The following SANBR variants were observed in gnomAD, a reference collection of about 807,000 sequenced individuals.
The protein encoded by SANBR is SANT and BTB domain regulator of class switch recombination.
Under a neutral mutation model 101.8 loss-of-function variants are expected in SANBR, and 77 were observed. The ratio of observed to expected loss-of-function variants is 0.76; its 90% CI spans 0.63 to 0.91. SANBR has a LOEUF of 0.91. Among genes scored for constraint, SANBR ranks in the 40% least tolerant of loss-of-function variants. The pLI, the probability that SANBR is intolerant of heterozygous loss-of-function variation, is 0.00. For missense variants in SANBR, 875 were observed against 853.0 expected (o/e 1.03, Z -0.32); for synonymous variants, 279 against 274.7 (o/e 1.02, Z -0.15).
At chr2:61,081,630 A>T in intron 7 of SANBR, 120 bp downstream of exon 7, 2 of 1,087,874 alleles carry the variant, frequency 1.8e-6, no homozygotes, top group Non-Finnish European at 2.5e-6. Flanking sequence ...AAACAATTTA[A>T]AAAATTGTTA....
chr2:61,106,426 T>C, intron 13 of SANBR, 137 bp from the exon 14 acceptor site: 4 of 543,056 alleles, frequency 7.4e-6, no homozygotes, highest in Non-Finnish European at 1.3e-5. Flanking sequence ...GAAATGTCAT[T>C]GTTGACGTGA....
chr2:61,118,566 G>GTTT (rs1175530888), intron 20 of SANBR, among the ~76,000 whole-genome samples: 24 of 99,496 alleles, frequency 2.4e-4, no homozygotes, highest in African/African-American at 5.9e-4. Flanking sequence ...TTTTTTGTTG[G>GTTT]TTTTTTTTTT....
At position 61,088,450 on chromosome 2, in the gene SANBR, T is replaced by C. The variant is rs763215237; in HGVS notation, c.1070T>C (p.Ile357Thr). Residue 357 changes from isoleucine to threonine, a missense_variant, in exon 10 of 22, where the codon ATT becomes ACT. Physicochemically the swap from Ile to Thr is moderately conservative, Grantham distance 89. Coordinates refer to ENST00000402291, the MANE Select transcript of SANBR (RefSeq NM_001129993.3). ...GKINVDRRGN[I>T]VYIHIRDKTW... ...ATCAATGTGGATCGACGTGGAAATA[T>C]TGTCTATATTCACATAAGGTGTCGT... 4 of 1,604,622 alleles carry C rather than the reference T, an allele frequency of 2.5e-6. No individual in the cohort carries two copies. In the South Asian group the frequency reaches 4.5e-5, roughly 18 times the overall value.
At chr2:61,076,805 T>G (rs1235246308) in intron 5 of SANBR, 115 bp from the exon 6 acceptor site, 1 of 700,926 alleles carries the variant, frequency 1.4e-6, no homozygotes, top group East Asian at 2.7e-5. Flanking sequence ...TAAAACTGAT[T>G]TGTGTTCAGA....
chr2:61,088,738 C>G (rs1273584766), intron 10 of SANBR: 6 of 349,284 alleles, frequency 1.7e-5, no homozygotes, highest in Non-Finnish European at 2.5e-5. Flanking sequence ...CCAGGCTGGT[C>G]TCGAACTCCT....
In SANBR at chr2:61,076,002, T is replaced by A. The variant is rs191185929; in HGVS notation, c.432-918T>A. Among the ~76,000 whole-genome samples the A allele has an allele frequency of 5.3e-5, 8 of 151,852 alleles. No homozygotes were observed. The East Asian group carries it at 1.6e-3, about 30-fold the overall frequency. On this transcript the variant is annotated intron_variant, in intron 5 of 21. Coordinates refer to ENST00000402291, the MANE Select transcript of SANBR (RefSeq NM_001129993.3). The stretch of plus-strand genomic sequence containing the variant: ...TATAAACTTTATTTATTTATTTATT[T>A]ATTTATTTAGAGACGGAGTCTTGCT...
intron 6 of SANBR, among the ~76,000 whole-genome samples, chr2:61,079,177 C>T (rs189085919): frequency 6.6e-6 from 1 of 151,956 alleles, no homozygotes; most frequent in East Asian, 1.9e-4. Flanking sequence ...CTGGCAGATA[C>T]AACCCACATA....
chr2:61,132,900 T>G (rs1354150701), intron 20 of SANBR, among the ~76,000 whole-genome samples: 1 of 152,244 alleles, frequency 6.6e-6, no homozygotes, highest in Non-Finnish European at 1.5e-5. Flanking sequence ...TGCATGACTC[T>G]ATTTATATAA....
chr2:61,068,194 T>C (rs886653686), intron 1 of SANBR, among the ~76,000 whole-genome samples: 2 of 152,192 alleles, frequency 1.3e-5, no homozygotes, highest in African/African-American at 4.8e-5. Flanking sequence ...TTCCAAGACT[T>C]TTTTCAAGTC....
In SANBR at chr2:61,123,093, A is replaced by T; in HGVS notation, c.*931A>T. 1 of 970,266 alleles carries T rather than the reference A, an allele frequency of 1.0e-6. No individual in the cohort carries two copies. Among genetic ancestry groups the T allele is most frequent in the Non-Finnish European group, 1.2e-6 (1 of 815,980 alleles). The allele number at this position is 970,266 out of a possible 1,614,324, so 60.1% of individuals were successfully genotyped here. A position where few individuals can be genotyped will look rare whatever the true frequency, so the allele number is the denominator to read the frequency against. ...TATATTCAAGAAAAATCAAAATAAA[A>T]TTCTATTTTATAAATCATGTTTAAA... On this transcript the variant is annotated 3_prime_UTR_variant, in exon 22 of 22. Transcript: ENST00000402291.
chr2:61,093,794 T>C (rs1373014973), intron 11 of SANBR, among the ~76,000 whole-genome samples: 2 of 152,212 alleles, frequency 1.3e-5, no homozygotes, highest in Non-Finnish European at 2.9e-5. Context: ...GTTACAACAA[T>C]TTTGTTCCCA....
chr2:61,091,132 CA>C (rs773642695), intron 10 of SANBR, among the ~76,000 whole-genome samples: 11 of 151,962 alleles, frequency 7.2e-5, no homozygotes, highest in Non-Finnish European at 1.6e-4. Context: ...GAGCTAAGCA[CA>C]AAACCAGCAA....
At chr2:61,069,480 C>T (rs1681348131) in intron 2 of SANBR, among the ~76,000 whole-genome samples, 3 of 152,170 alleles carry the variant, frequency 2.0e-5, no homozygotes, top group Non-Finnish European at 4.4e-5. Flanking sequence ...GGTCTGTCAG[C>T]GAATCTCTGC....
In SANBR at chr2:61,122,267, T is replaced by G. The variant is rs1479630053; in HGVS notation, c.*105T>G. ...AACAATGACTTCCAACTGTTTTATG[T>G]TATTATTATTTTAATCCACATAAAT... is the stretch of plus-strand genomic sequence containing the variant. On this transcript the variant is annotated 3_prime_UTR_variant, in exon 22 of 22. Coordinates refer to ENST00000402291, the MANE Select transcript of SANBR (RefSeq NM_001129993.3). The G allele has an allele frequency of 2.2e-6, 3 of 1,385,748 alleles. No homozygotes were observed. In the African/African-American group the frequency reaches 4.4e-5, roughly 20 times the overall value. 85.8% of individuals were successfully genotyped at this position (1,385,748 alleles called of 1,614,324 possible). A position where few individuals can be genotyped will look rare whatever the true frequency, so the allele number is the denominator to read the frequency against.
At position 61,122,322 on chromosome 2, in the gene SANBR, T is replaced by C; in HGVS notation, c.*160T>C. 1 of 1,238,190 alleles carries C rather than the reference T, an allele frequency of 8.1e-7. No individual in the cohort carries two copies. Among genetic ancestry groups the C allele is most frequent in the African/African-American group, 1.5e-5 (1 of 65,398 alleles). The allele number at this position is 1,238,190 out of a possible 1,614,324, so 76.7% of individuals were successfully genotyped here. A position where few individuals can be genotyped will look rare whatever the true frequency, so the allele number is the denominator to read the frequency against. On this transcript the variant is annotated 3_prime_UTR_variant, in exon 22 of 22. Coordinates refer to ENST00000402291, the MANE Select transcript of SANBR (RefSeq NM_001129993.3). ...ATTCTAAAAGAAATGCATAGTTAGG[T>C]TTTATGAAAATCTAATTGTAAATAT...
chr2:61,091,420 C>T (rs189343128), intron 10 of SANBR, among the ~76,000 whole-genome samples: 4 of 151,798 alleles, frequency 2.6e-5, no homozygotes, highest in Non-Finnish European at 5.9e-5. Flanking sequence ...GGTAAAACCC[C>T]GTCTCTACTA....
intron 16 of SANBR, 181 bp from the exon 17 acceptor site, chr2:61,115,770 AATGAACCCCTGTAAAGCAATTTCAGCTT>A (rs1381709906): frequency 3.8e-5 from 14 of 366,150 alleles, no homozygotes; most frequent in South Asian, 1.3e-4. Flanking sequence ...AGAAAAAGAA[AATGAACCCCTGTAAAGCAATTTCAGCTT>A]ATGAACCCCT....
chr2:61,081,047 G>A (rs1008588589), intron 6 of SANBR, among the ~76,000 whole-genome samples: 1 of 151,924 alleles, frequency 6.6e-6, no homozygotes, highest in Admixed American at 6.6e-5. Flanking sequence ...TTAAATATTT[G>A]TTCATAACAA....
chr2:61,071,180 T>C (rs1169077229), intron 3 of SANBR, among the ~76,000 whole-genome samples: 1 of 152,156 alleles, frequency 6.6e-6, no homozygotes, highest in Non-Finnish European at 1.5e-5. Context: ...AGGTTAATAT[T>C]TGCTTACAAA....
Sources: gnomAD v4.1 joint callset for allele counts (sites outside exome capture counted in the v4.1 genomes callset) on GRCh38, gnomAD v4.1.1 for gene constraint, MANE v1.5 for transcripts, NCBI Gene and HGNC (gene_info 2026-07-23, HGNC 2026-07-21) for gene names.